PTPRD: variants seen among roughly 807,000 people sequenced by gnomAD.
The protein encoded by PTPRD is protein tyrosine phosphatase receptor type D.
A neutral mutation model predicts 214.5 loss-of-function variants in PTPRD; 34 were observed. The observed-to-expected ratio is 0.16, with a 90% CI of 0.12 to 0.21. The LOEUF (loss-of-function observed/expected upper bound fraction) is 0.21. Ranked by LOEUF, PTPRD falls within the 10% of genes least tolerant of loss-of-function variation. The pLI is 1.00. For synonymous variants in PTPRD, 1,128 were observed against 845.7 expected, an observed-to-expected ratio of 1.33 and a Z score of -5.79; for missense variants, 2,545 against 2,398.7, an observed-to-expected ratio of 1.06 and a Z score of -1.27.
intron 11 of PTPRD, among the ~76,000 whole-genome samples, chr9:8,759,446 T>C (rs187977918): frequency 6.6e-6 from 1 of 152,230 alleles, no homozygotes; most frequent in East Asian, 1.9e-4. Context: ...CTTGTTTTCA[T>C]CTCTCTCATC....
intron 2 of PTPRD, among the ~76,000 whole-genome samples, chr9:10,382,027 A>T (rs766268460): frequency 1.4e-4 from 21 of 151,940 alleles, no homozygotes; most frequent in Admixed American, 3.9e-4. Flanking sequence ...AACCTTTCTT[A>T]CATCTTACTT....
Position 10,016,362 on chromosome 9 carries a change from T to TAGAC in PTPRD, c.-472+17355_-472+17356insGTCT, listed in dbSNP as rs2096713270. ...TGAGATAGATGATAGAAAGATTAGA[T>TAGAC]AGATAGATAGATAGATAGATAGATA... On this transcript the variant is annotated intron_variant, in intron 4 of 45. Coordinates refer to ENST00000381196, the MANE Select transcript of PTPRD (RefSeq NM_002839.4). 7.4e-5 allele frequency among the ~76,000 whole-genome samples: 6 copies of TAGAC among 81,422 alleles called. No homozygotes were observed. In the South Asian group the frequency reaches 2.1e-3, roughly 29 times the overall value. 53.4% of individuals were successfully genotyped at this position (81,422 alleles called of 152,430 possible).
intron 5 of PTPRD, among the ~76,000 whole-genome samples, chr9:9,918,253 A>G (rs1195064250): frequency 1.3e-5 from 2 of 151,764 alleles, no homozygotes; most frequent in East Asian, 1.9e-4. Context: ...CAATACAGGA[A>G]AAATGAACTA....
Position 9,729,596 on chromosome 9 carries a change from A to G in PTPRD, c.-287+4937T>C, listed in dbSNP as rs940319708. Among the ~76,000 whole-genome samples, 27 of 152,194 alleles carry G rather than the reference A, an allele frequency of 1.8e-4. 1 individual carries two copies. Among genetic ancestry groups the G allele is most frequent in the Non-Finnish European group, 1.0e-4 (7 of 68,016 alleles). On this transcript the variant is annotated intron_variant, in intron 7 of 45. Transcript: ENST00000381196. ...ATCCCAGCAAGCTAAAGGGAATAAAAGGCTTAAAGCAAATGCTCATAATTT... is the reference window on the plus strand; with the variant it reads ...ATCCCAGCAAGCTAAAGGGAATAAAGGGCTTAAAGCAAATGCTCATAATTT...
At chr9:9,677,779 G>A (rs759237463) in intron 7 of PTPRD, among the ~76,000 whole-genome samples, 8 of 152,026 alleles carry the variant, frequency 5.3e-5, no homozygotes, top group Non-Finnish European at 1.0e-4. Context: ...AAGTCAAATC[G>A]TCCCTGTTTG....
At chr9:9,618,388 A>C (rs959497884) in intron 7 of PTPRD, among the ~76,000 whole-genome samples, 14 of 149,312 alleles carry the variant, frequency 9.4e-5, no homozygotes, top group Non-Finnish European at 1.3e-4. Context: ...ATGGATTAAG[A>C]AAAAAAAAAC....
chr9:9,147,353 T>C (rs976027351), intron 10 of PTPRD, among the ~76,000 whole-genome samples: 2 of 151,992 alleles, frequency 1.3e-5, no homozygotes, highest in Non-Finnish European at 2.9e-5. Flanking sequence ...ACTGTTATTC[T>C]TTTTTTAAAA....
chr9:8,820,386 A>C (rs1447842408), intron 11 of PTPRD, among the ~76,000 whole-genome samples: 1 of 152,152 alleles, frequency 6.6e-6, no homozygotes, highest in Non-Finnish European at 1.5e-5. Flanking sequence ...CTCTGCTCTC[A>C]TAACAGCTTT....
intron 2 of PTPRD, among the ~76,000 whole-genome samples, chr9:10,429,407 C>T (rs991723168): frequency 2.6e-5 from 4 of 151,908 alleles, no homozygotes; most frequent in Non-Finnish European, 5.9e-5. Context: ...CAGCACTATT[C>T]ACAAAAGCAA....
At chr9:10,344,741 C>T (rs1254407754) in intron 2 of PTPRD, among the ~76,000 whole-genome samples, 3 of 152,120 alleles carry the variant, frequency 2.0e-5, no homozygotes, top group Non-Finnish European at 4.4e-5. Context: ...TGGTCCTTCA[C>T]ATCCCTGGTA....
chr9:8,930,648 A>G (rs944749910), intron 11 of PTPRD, among the ~76,000 whole-genome samples: 27 of 152,222 alleles, frequency 1.8e-4, no homozygotes, highest in African/African-American at 5.5e-4. Context: ...TTTAATGATC[A>G]CCATTCTAAC....
intron 3 of PTPRD, among the ~76,000 whole-genome samples, chr9:10,273,919 A>G (rs879515129): frequency 1.3e-5 from 2 of 152,156 alleles, no homozygotes; most frequent in Non-Finnish European, 2.9e-5. Flanking sequence ...TTGAAAACAA[A>G]AGTTTTTAGC....
chr9:9,827,295 G>C (rs1461603424), intron 5 of PTPRD, among the ~76,000 whole-genome samples: 1 of 152,074 alleles, frequency 6.6e-6, no homozygotes, highest in Non-Finnish European at 1.5e-5. Context: ...CATGGTACTG[G>C]TACCAAAACA....
chr9:8,586,140 A>T (rs2093636312), intron 14 of PTPRD, among the ~76,000 whole-genome samples: 1 of 152,136 alleles, frequency 6.6e-6, no homozygotes. Context: ...TCTCTATTAA[A>T]AATACAAAAA....
At chr9:9,108,673 C>T (rs1439715229) in intron 10 of PTPRD, among the ~76,000 whole-genome samples, 2 of 152,136 alleles carry the variant, frequency 1.3e-5, no homozygotes, top group African/African-American at 4.8e-5. Context: ...AAGAGTAATA[C>T]AAATTACTTC....
chr9:9,931,484 GGGTCGCTCCCACCC>G (rs1414025263), intron 5 of PTPRD, among the ~76,000 whole-genome samples: 1 of 152,148 alleles, frequency 6.6e-6, no homozygotes, highest in Non-Finnish European at 1.5e-5. Flanking sequence ...CTGGAAAATC[GGGTCGCTCCCACCC>G]GAATACTGCG....
At chr9:9,858,827 T>A (rs1405775554) in intron 5 of PTPRD, among the ~76,000 whole-genome samples, 1 of 152,158 alleles carries the variant, frequency 6.6e-6, no homozygotes, top group Non-Finnish European at 1.5e-5. Flanking sequence ...TTATTTGTAG[T>A]TCAGAAAAGG....
intron 11 of PTPRD, among the ~76,000 whole-genome samples, chr9:8,737,753 C>T (rs1254091982): frequency 2.6e-5 from 4 of 152,154 alleles, no homozygotes; most frequent in Non-Finnish European, 5.9e-5. Flanking sequence ...TCAGTTCAAG[C>T]GATTCTCCTG....
chr9:9,937,868 CA>C (rs2090119921), intron 5 of PTPRD, among the ~76,000 whole-genome samples: 2 of 152,104 alleles, frequency 1.3e-5, no homozygotes, highest in Admixed American at 1.3e-4. Flanking sequence ...TTCAGTTTAC[CA>C]AAGTTTCATA....
Sources: allele counts gnomAD v4.1 joint callset (sites outside exome capture counted in the v4.1 genomes callset), GRCh38; gene constraint gnomAD v4.1.1; transcripts MANE v1.5; gene names NCBI Gene and HGNC (gene_info 2026-07-23, HGNC 2026-07-21).